PRELID2: variants seen among roughly 807,000 people sequenced by gnomAD.
PRELID2 encodes PRELI domain-containing protein 2.
PRELID2 carries 25 observed loss-of-function variants against 28.4 expected under a neutral mutation model. The observed-to-expected ratio is 0.88, with a 90% CI of 0.64 to 1.23. The LOEUF (loss-of-function observed/expected upper bound fraction) is 1.23, where lower values mean the gene tolerates loss of function less well. Among genes scored for constraint, PRELID2 ranks in the 50% most tolerant of loss-of-function variants. The probability of loss-of-function intolerance (pLI) is 0.00; values close to 1 mark genes in which losing one functional copy is unlikely to be tolerated. For synonymous variants in PRELID2, 76 were observed against 71.6 expected (o/e 1.06, Z -0.31); for missense variants, 201 against 214.4 (o/e 0.94, Z 0.39).
At chr5:145,283,079 T>A in the PRELID2 span, among the ~76,000 whole-genome samples, 1 of 152,166 alleles carries the variant, frequency 6.6e-6, no homozygotes, top group Admixed American at 6.5e-5. Flanking sequence ...CTCTCCATCT[T>A]CTCCATTACA....
the PRELID2 span, among the ~76,000 whole-genome samples, chr5:145,408,466 T>TATATATGTATA: frequency 8.6e-6 from 1 of 116,190 alleles, no homozygotes; most frequent in African/African-American, 2.8e-5. Flanking sequence ...ATATGTATAA[T>TATATATGTATA]ATATATATGT....
At chr5:145,577,238 A>C (rs1198498777) in intron 1 of PRELID2, among the ~76,000 whole-genome samples, 1 of 152,160 alleles carries the variant, frequency 6.6e-6, no homozygotes. Context: ...AGACAAAATA[A>C]AGTACCAGTT....
At chr5:145,634,444 C>T (rs1293792227) in intron 1 of PRELID2, among the ~76,000 whole-genome samples, 1 of 152,180 alleles carries the variant, frequency 6.6e-6, no homozygotes, top group East Asian at 1.9e-4. Flanking sequence ...ACTTGCAATT[C>T]TTGAGACCCA....
At chr5:145,524,036 T>C (rs1752586523) in intron 1 of PRELID2, among the ~76,000 whole-genome samples, 1 of 152,144 alleles carries the variant, frequency 6.6e-6, no homozygotes, top group Non-Finnish European at 1.5e-5. Flanking sequence ...ATTTTTTTGT[T>C]TTTCAGGGGT....
the PRELID2 span, among the ~76,000 whole-genome samples, chr5:145,295,689 A>G: frequency 6.6e-6 from 1 of 152,196 alleles, no homozygotes; most frequent in African/African-American, 2.4e-5. Context: ...AGATATGAAA[A>G]CAGATGTTCT....
rs183529018 is a variant in PRELID2 at position 145,768,727 on chromosome 5, G to A, written c.475-3727C>T. ...TAAGACCTCCACCACTTATTGAACT[G>A]AACACTAATTGACATAAGTGAAGAC... On this transcript the variant is annotated intron_variant, in intron 5 of 6. Transcript: ENST00000683046. Among the ~76,000 whole-genome samples the A allele has an allele frequency of 3.3e-5, 5 of 152,220 alleles. No individual in the cohort carries two copies. In the East Asian group the frequency reaches 9.7e-4, roughly 29 times the overall value.
the PRELID2 span, among the ~76,000 whole-genome samples, chr5:145,300,055 A>G: frequency 6.6e-6 from 1 of 152,134 alleles, no homozygotes; most frequent in Non-Finnish European, 1.5e-5. Flanking sequence ...TGCAAATATT[A>G]TCTTTATCGA....
chr5:145,832,143 C>T (rs1458211458), intron 1 of PRELID2, among the ~76,000 whole-genome samples: 2 of 152,126 alleles, frequency 1.3e-5, no homozygotes, highest in Non-Finnish European at 2.9e-5. Context: ...AGACTGTGAA[C>T]AAAAGAAAAC....
chr5:145,264,244 T>A, the PRELID2 span, among the ~76,000 whole-genome samples: 1 of 151,304 alleles, frequency 6.6e-6, no homozygotes, highest in African/African-American at 2.4e-5. Flanking sequence ...GATGCAAAAA[T>A]CCTCAACAAA....
intron 1 of PRELID2, among the ~76,000 whole-genome samples, chr5:145,541,620 T>A (rs938312140): frequency 6.6e-6 from 1 of 152,060 alleles, no homozygotes; most frequent in African/African-American, 2.4e-5. Context: ...ATATCCCACA[T>A]ATGCATTGTA....
chr5:145,818,008 C>T lies in PRELID2; in HGVS notation c.254G>A (p.Trp85Ter), dbSNP rs761193198. 22 of 1,613,066 alleles carry T rather than the reference C, an allele frequency of 1.4e-5. No individual in the cohort carries two copies. In the South Asian group the frequency reaches 2.4e-4, roughly 18 times the overall value. ...VPNIQLEEES[W>*]LNPRERNMAI... ...CATGTTTCTTTCCCGAGGATTGAGC[C>T]ATGACTCCTCTTCTAATTGGATATT... Residue 85 changes from tryptophan to a stop codon, truncating the protein, a stop_gained, in exon 4 of 7, where the codon TGG becomes TAG. Coordinates refer to ENST00000683046, the MANE Select transcript of PRELID2 (RefSeq NM_205846.3). LOFTEE classifies it high-confidence loss of function.
the PRELID2 span, among the ~76,000 whole-genome samples, chr5:145,301,913 T>C: frequency 1.4e-5 from 2 of 146,992 alleles, no homozygotes; most frequent in South Asian, 2.2e-4. Context: ...ACCTAAGTCA[T>C]CCAACTTTAT....
the PRELID2 span, among the ~76,000 whole-genome samples, chr5:145,320,594 T>C: frequency 1.3e-5 from 2 of 152,190 alleles, no homozygotes; most frequent in Non-Finnish European, 2.9e-5. Flanking sequence ...CACATTTCCC[T>C]GCACGCATCA....
chr5:145,774,269 A>C (rs965291195), intron 5 of PRELID2, among the ~76,000 whole-genome samples: 10 of 152,234 alleles, frequency 6.6e-5, no homozygotes, highest in Non-Finnish European at 1.5e-4. Context: ...GTTCAAAGTC[A>C]TGTAGCTAGC....
At chr5:145,435,909 GA>G in the PRELID2 span, among the ~76,000 whole-genome samples, 1 of 152,092 alleles carries the variant, frequency 6.6e-6, no homozygotes, top group Non-Finnish European at 1.5e-5. Context: ...CATATAGACT[GA>G]AAGATACCTA....
chr5:145,731,762 T>C (rs1756353495), intron 1 of PRELID2, among the ~76,000 whole-genome samples: 2 of 152,288 alleles, frequency 1.3e-5, no homozygotes, highest in Admixed American at 6.5e-5. Flanking sequence ...GCCATAAAGG[T>C]CTACCTTTCC....
chr5:145,284,916 T>G, the PRELID2 span, among the ~76,000 whole-genome samples: 1 of 152,112 alleles, frequency 6.6e-6, no homozygotes, highest in African/African-American at 2.4e-5. Flanking sequence ...AATATAATTA[T>G]TATTAATATT....
At chr5:145,629,444 G>A (rs112385919) in intron 1 of PRELID2, among the ~76,000 whole-genome samples, 15 of 152,144 alleles carry the variant, frequency 9.9e-5, no homozygotes, top group African/African-American at 3.4e-4. Flanking sequence ...CTTTGTGTAC[G>A]TATCACTGAT....
chr5:145,820,142 C>T, intron 2 of PRELID2, 124 bp from the exon 3 acceptor site: 1 of 603,750 alleles, frequency 1.7e-6, no homozygotes, highest in Non-Finnish European at 2.9e-6. Flanking sequence ...TTTTGAGACA[C>T]CCAGGCTGGA....
Sources: allele counts gnomAD v4.1 joint callset (sites outside exome capture counted in the v4.1 genomes callset), GRCh38; gene constraint gnomAD v4.1.1; transcripts MANE v1.5; gene names NCBI Gene and HGNC (gene_info 2026-07-23, HGNC 2026-07-21).